SESTD1: variants seen among roughly 807,000 people sequenced by gnomAD.
SESTD1 encodes the protein SEC14 and spectrin domain containing 1.
Under a neutral mutation model 101.7 loss-of-function variants are expected in SESTD1, and 43 were observed. That is an observed-to-expected ratio of 0.42 (90% CI 0.33 to 0.55). The LOEUF (loss-of-function observed/expected upper bound fraction) is 0.55. SESTD1 is among the 20% of genes least tolerant of loss of function. The pLI is 0.07. For synonymous variants in SESTD1, 283 were observed against 286.8 expected, an observed-to-expected ratio of 0.99 and a Z score of 0.13; for missense variants, 647 against 815.1, an observed-to-expected ratio of 0.79 and a Z score of 2.51.
rs1276950820 is a variant in SESTD1, at chr2:179,244,874, A to T, written c.-26+19625T>A. On this transcript the variant is annotated intron_variant, in intron 1 of 17. Coordinates refer to ENST00000428443, the MANE Select transcript of SESTD1 (RefSeq NM_178123.5). ...TGTGTACAGGAAACACTGTAAGATG[A>T]TTATATTACAAATGGGGTAAAGAGC... Among the ~76,000 whole-genome samples the T allele has an allele frequency of 2.0e-5, 3 of 152,238 alleles. No homozygotes were observed. In the East Asian group the frequency reaches 5.8e-4, roughly 29 times the overall value.
intron 1 of SESTD1, among the ~76,000 whole-genome samples, chr2:179,254,855 G>A (rs1375612933): frequency 1.3e-5 from 2 of 152,138 alleles, no homozygotes; most frequent in Non-Finnish European, 2.9e-5. Flanking sequence ...ATCCTAAGTG[G>A]AGCAAGTTTG....
intron 13 of SESTD1, among the ~76,000 whole-genome samples, chr2:179,121,224 C>G (rs929259171): frequency 1.3e-5 from 2 of 152,148 alleles, no homozygotes; most frequent in African/African-American, 4.8e-5. Flanking sequence ...AATTTTAATC[C>G]TTTACTTTGC....
chr2:179,209,547 G>C (rs2046626216), intron 1 of SESTD1, among the ~76,000 whole-genome samples: 1 of 134,600 alleles, frequency 7.4e-6, no homozygotes, highest in Admixed American at 7.2e-5. Flanking sequence ...AATAAAATTG[G>C]AAATTAATTC....
intron 5 of SESTD1, among the ~76,000 whole-genome samples, chr2:179,158,776 T>G (rs1171059951): frequency 1.3e-5 from 2 of 152,188 alleles, no homozygotes; most frequent in Admixed American, 6.5e-5. Flanking sequence ...TGGTGGCTAT[T>G]AAAAGTTAAA....
rs1042502986 is a variant in SESTD1, at chr2:179,106,229, C to T, written c.*3670G>A. ...ACTGATGATAATATACTTAATGGTG[C>T]TTGTTTCTGCCTGTACCATTCCCTA... On this transcript the variant is annotated 3_prime_UTR_variant, in exon 18 of 18. Transcript: ENST00000428443. The T allele has an allele frequency of 1.3e-5, 2 of 152,116 alleles. No individual in the cohort carries two copies. Among genetic ancestry groups the T allele is most frequent in the African/African-American group, 4.8e-5 (2 of 41,412 alleles). 9.4% of individuals were successfully genotyped at this position (152,116 alleles called of 1,614,324 possible).
At chr2:179,159,599 C>A (rs952124201) in intron 5 of SESTD1, among the ~76,000 whole-genome samples, 1 of 152,094 alleles carries the variant, frequency 6.6e-6, no homozygotes, top group Admixed American at 6.5e-5. Context: ...CAGGGTAATG[C>A]AACAAAACAA....
intron 3 of SESTD1, among the ~76,000 whole-genome samples, chr2:179,180,584 GGA>G (rs1283614709): frequency 6.6e-6 from 1 of 152,126 alleles, no homozygotes; most frequent in Admixed American, 6.6e-5. Flanking sequence ...GTGAAACATG[GGA>G]GATAACGTGA....
intron 1 of SESTD1, among the ~76,000 whole-genome samples, chr2:179,213,428 A>C (rs1344069363): frequency 3.0e-5 from 4 of 134,704 alleles, no homozygotes. Context: ...ATGAAATAAA[A>C]CAGAAAGACA....
chr2:179,228,987 T>A (rs1396218573), intron 1 of SESTD1, among the ~76,000 whole-genome samples: 3 of 152,040 alleles, frequency 2.0e-5, no homozygotes, highest in Non-Finnish European at 4.4e-5. Context: ...GAAAGCCCAG[T>A]CTACGTGAAA....
chr2:179,133,520 G>A (rs1416021798), intron 9 of SESTD1, among the ~76,000 whole-genome samples: 2 of 152,200 alleles, frequency 1.3e-5, no homozygotes, highest in East Asian at 3.8e-4. Flanking sequence ...CAAACACATT[G>A]TGGAGTAATT....
rs192494408 is a variant in SESTD1 at position 179,217,772 on chromosome 2, C to T, written c.-25-25906G>A. Among the ~76,000 whole-genome samples, 804 of 152,244 alleles carry T rather than the reference C, an allele frequency of 5.3e-3. 2 individuals are homozygous for T. The highest frequency in any genetic ancestry group is 8.6e-3 in the Non-Finnish European group (584 of 68,018). On this transcript the variant is annotated intron_variant, in intron 1 of 17. Transcript: ENST00000428443. ...TAGACTGGATTAAGAAAATGTGGCACATATACACCATGGAATACTATGCAG... is the reference window on the plus strand; with the variant it reads ...TAGACTGGATTAAGAAAATGTGGCATATATACACCATGGAATACTATGCAG...
At chr2:179,208,172 C>T (rs1012451183) in intron 1 of SESTD1, among the ~76,000 whole-genome samples, 2 of 133,686 alleles carry the variant, frequency 1.5e-5, no homozygotes, top group Non-Finnish European at 1.6e-5. Flanking sequence ...AATCCAAAAA[C>T]GACAAAAAAG....
At chr2:179,208,224 T>C (rs1838872) in intron 1 of SESTD1, among the ~76,000 whole-genome samples, 30,561 of 133,664 alleles carry the variant, frequency 0.23, 10,322 homozygotes, top group African/African-American at 0.59. Context: ...TTTGAGATTA[T>C]GTTAAAACAA....
intron 1 of SESTD1, among the ~76,000 whole-genome samples, chr2:179,236,749 G>GTTT (rs71848548): frequency 7.4e-6 from 1 of 135,276 alleles, no homozygotes; most frequent in South Asian, 2.3e-4. Context: ...ATCTGATGTA[G>GTTT]TTTTTTTTTT....
At chr2:179,199,814 TA>T (rs2046475683) in intron 1 of SESTD1, among the ~76,000 whole-genome samples, 1 of 152,220 alleles carries the variant, frequency 6.6e-6, no homozygotes, top group African/African-American at 2.4e-5. Context: ...TTCAAAATAA[TA>T]AGAGCTATCT....
At chr2:179,142,509 G>C (rs1423050980) in intron 9 of SESTD1, among the ~76,000 whole-genome samples, 1 of 152,180 alleles carries the variant, frequency 6.6e-6, no homozygotes, top group Non-Finnish European at 1.5e-5. Flanking sequence ...ACACAGCTAA[G>C]TGAAGAAACT....
Position 179,104,115 on chromosome 2 carries a change from G to A in SESTD1, c.*5784C>T, listed in dbSNP as rs532122287. 27 of 152,156 alleles carry A rather than the reference G, an allele frequency of 1.8e-4. No homozygotes were observed. The highest frequency in any genetic ancestry group is 5.9e-4 in the Admixed American group (9 of 15,260). The allele number at this position is 152,156 out of a possible 1,614,324, so 9.4% of individuals were successfully genotyped here. A position where few individuals can be genotyped will look rare whatever the true frequency, so the allele number is the denominator to read the frequency against. ...AATGTTTACCAAATAGTTTTGCTGA[G>A]AATTTCATTACTGATTTTATGACAG... On this transcript the variant is annotated 3_prime_UTR_variant, in exon 18 of 18. Transcript: ENST00000428443.
At chr2:179,205,028 G>T (rs2046572015) in intron 1 of SESTD1, among the ~76,000 whole-genome samples, 1 of 133,942 alleles carries the variant, frequency 7.5e-6, no homozygotes, top group Admixed American at 7.3e-5. Context: ...CTATTTTTTT[G>T]AACTTATTTC....
Position 179,151,241 on chromosome 2 carries a change from T to C in SESTD1, c.483+37A>G, listed in dbSNP as rs764915222. On this transcript the variant is annotated intron_variant, in intron 6 of 17. Transcript: ENST00000428443. ...AAGTTATCAAAATATATCTTATTTCTATGCAATAACATTTTATCTCATTGT... is the reference window on the plus strand; with the variant it reads ...AAGTTATCAAAATATATCTTATTTCCATGCAATAACATTTTATCTCATTGT... 13 of 1,280,716 alleles carry C rather than the reference T, an allele frequency of 1.0e-5. No homozygotes were observed. In the South Asian group the frequency reaches 2.1e-4, roughly 20 times the overall value. The allele number at this position is 1,280,716 out of a possible 1,614,324, so 79.3% of individuals were successfully genotyped here. A position where few individuals can be genotyped will look rare whatever the true frequency, so the allele number is the denominator to read the frequency against.
Sources: allele counts gnomAD v4.1 joint callset (sites outside exome capture counted in the v4.1 genomes callset), GRCh38; gene constraint gnomAD v4.1.1; transcripts MANE v1.5; gene names NCBI Gene and HGNC (gene_info 2026-07-23, HGNC 2026-07-21).